Variants in KIAA1549L observed in about 807,000 individuals in gnomAD.
KIAA1549L encodes UPF0606 protein KIAA1549L.
In KIAA1549L, 88 loss-of-function variants were observed where a neutral mutation model predicts 160.7. That is an observed-to-expected ratio of 0.55 (90% CI 0.46 to 0.65). The LOEUF (loss-of-function observed/expected upper bound fraction) is 0.65, where lower values mean the gene tolerates loss of function less well. Ranked by LOEUF, KIAA1549L falls within the 30% of genes least tolerant of loss-of-function variation. The pLI is 0.00. For synonymous variants in KIAA1549L, 950 were observed against 976.7 expected, an observed-to-expected ratio of 0.97 and a Z score of 0.51; for missense variants, 2,258 against 2,437.5, an observed-to-expected ratio of 0.93 and a Z score of 1.55.
At chr11:33,432,116 C>T (rs1001575077) in intron 1 of KIAA1549L, among the ~76,000 whole-genome samples, 8 of 152,240 alleles carry the variant, frequency 5.3e-5, no homozygotes, top group South Asian at 2.1e-4. Flanking sequence ...GGTTCCCGCT[C>T]GCACCTCTCC....
At chr11:33,476,093 C>T (rs148445396) in intron 1 of KIAA1549L, among the ~76,000 whole-genome samples, 17 of 152,318 alleles carry the variant, frequency 1.1e-4, no homozygotes, top group African/African-American at 2.9e-4. Flanking sequence ...GTGGGAGAGA[C>T]GGCAAGTTTG....
intron 1 of KIAA1549L, among the ~76,000 whole-genome samples, chr11:33,380,837 C>T (rs1178191221): frequency 6.6e-6 from 1 of 152,024 alleles, no homozygotes; most frequent in East Asian, 1.9e-4. Context: ...CCTGGGACGT[C>T]CTCCTTGCCG....
intron 16 of KIAA1549L, among the ~76,000 whole-genome samples, chr11:33,631,146 C>G (rs1252376170): frequency 6.6e-6 from 1 of 152,202 alleles, no homozygotes; most frequent in Middle Eastern, 3.2e-3. Context: ...CAGGGACATC[C>G]TTCTAAAACA....
intron 8 of KIAA1549L, 94 bp from the exon 9 acceptor site, chr11:33,567,982 C>T (rs1266572725): frequency 5.2e-5 from 69 of 1,325,682 alleles, no homozygotes; most frequent in Non-Finnish European, 6.6e-5. Context: ...CACAGTGGCC[C>T]TTGGTGGCCT....
intron 1 of KIAA1549L, among the ~76,000 whole-genome samples, chr11:33,423,297 A>G (rs1009829040): frequency 6.6e-6 from 1 of 152,204 alleles, no homozygotes; most frequent in Non-Finnish European, 1.5e-5. Context: ...TGAGGCAAGA[A>G]CACACATCAG....
intron 1 of KIAA1549L, chr11:33,403,257 A>AGACACACACATG (rs1164294109): frequency 1.6e-4 from 23 of 147,160 alleles, no homozygotes; most frequent in East Asian, 6.0e-4. Context: ...AGACACACAC[A>AGACACACACATG]CAGACACAGA....
chr11:33,509,125 T>G (rs933314577), intron 1 of KIAA1549L, among the ~76,000 whole-genome samples: 2 of 152,208 alleles, frequency 1.3e-5, no homozygotes, highest in Non-Finnish European at 2.9e-5. Context: ...CTGCACTCAC[T>G]GCATTGTATT....
intron 16 of KIAA1549L, among the ~76,000 whole-genome samples, chr11:33,642,644 G>A (rs1201427828): frequency 6.7e-6 from 1 of 149,942 alleles, no homozygotes; most frequent in East Asian, 1.9e-4. Context: ...GAATGAGTCA[G>A]GGTAGAGTAG....
intron 1 of KIAA1549L, among the ~76,000 whole-genome samples, chr11:33,529,976 C>T (rs930475581): frequency 6.6e-6 from 1 of 152,094 alleles, no homozygotes; most frequent in African/African-American, 2.4e-5. Context: ...ATTCTCTAGG[C>T]CCCTATTACT....
intron 1 of KIAA1549L, among the ~76,000 whole-genome samples, chr11:33,510,905 C>T (rs1431953124): frequency 6.6e-6 from 1 of 152,222 alleles, no homozygotes; most frequent in African/African-American, 2.4e-5. Context: ...CAAGTAGGAG[C>T]AGCATGGTGC....
At chr11:33,632,610 G>C (rs1590419187) in intron 16 of KIAA1549L, among the ~76,000 whole-genome samples, 2 of 152,152 alleles carry the variant, frequency 1.3e-5, no homozygotes, top group South Asian at 4.2e-4. Flanking sequence ...GACAGATCTT[G>C]CTCTGTTGCC....
At chr11:33,645,523 G>A (rs867562088) in intron 16 of KIAA1549L, among the ~76,000 whole-genome samples, 163 bp from the exon 17 acceptor site, 1 of 152,170 alleles carries the variant, frequency 6.6e-6, no homozygotes, top group African/African-American at 2.4e-5. Flanking sequence ...TGCTGGCTGA[G>A]TACCCCAGTA....
chr11:33,502,545 C>T (rs1232095515), intron 1 of KIAA1549L, among the ~76,000 whole-genome samples: 1 of 152,150 alleles, frequency 6.6e-6, no homozygotes, highest in Non-Finnish European at 1.5e-5. Flanking sequence ...CCTGGAGTTT[C>T]AGTGTTTTAT....
intron 12 of KIAA1549L, among the ~76,000 whole-genome samples, chr11:33,596,226 G>A (rs1478710924): frequency 6.6e-6 from 1 of 152,150 alleles, no homozygotes; most frequent in African/African-American, 2.4e-5. Context: ...GAGTGGACAT[G>A]CATGCACAAA....
chr11:33,477,519 A>AC (rs1491558276), intron 1 of KIAA1549L, among the ~76,000 whole-genome samples: 11,162 of 145,706 alleles, frequency 0.077, 946 homozygotes, highest in African/African-American at 0.21. Flanking sequence ...ACACACACAC[A>AC]AACACACACA....
chr11:33,621,328 C>G (rs1488445894), intron 16 of KIAA1549L, among the ~76,000 whole-genome samples: 1 of 152,174 alleles, frequency 6.6e-6, no homozygotes, highest in Non-Finnish European at 1.5e-5. Flanking sequence ...CGTTTTACAG[C>G]AACAATCTTC....
chr11:33,486,107 A>G (rs1345752579), intron 1 of KIAA1549L, among the ~76,000 whole-genome samples: 1 of 152,200 alleles, frequency 6.6e-6, no homozygotes, highest in East Asian at 1.9e-4. Context: ...TCTCCTTGAC[A>G]TACCGATTTT....
intron 10 of KIAA1549L, among the ~76,000 whole-genome samples, chr11:33,577,181 C>T (rs1855479279): frequency 1.3e-5 from 2 of 152,200 alleles, no homozygotes; most frequent in South Asian, 4.2e-4. Flanking sequence ...AGAGGCAGGG[C>T]ATGACAGGGT....
At chr11:33,437,820 G>T (rs1851411480) in intron 1 of KIAA1549L, among the ~76,000 whole-genome samples, 1 of 152,174 alleles carries the variant, frequency 6.6e-6, no homozygotes, top group African/African-American at 2.4e-5. Flanking sequence ...GGTCAGTTGG[G>T]AAGTCAACCT....
Sources: gnomAD v4.1 joint callset for allele counts (sites outside exome capture counted in the v4.1 genomes callset) on GRCh38, gnomAD v4.1.1 for gene constraint, MANE v1.5 for transcripts, NCBI Gene and HGNC (gene_info 2026-07-23, HGNC 2026-07-21) for gene names.